RANBP17: variants seen among roughly 807,000 people sequenced by gnomAD.
RANBP17 encodes ran-binding protein 17.
RANBP17 carries 158 observed loss-of-function variants against 141.2 expected under a neutral mutation model. That is an observed-to-expected ratio of 1.12 (90% CI 0.98 to 1.28). The LOEUF (loss-of-function observed/expected upper bound fraction) is 1.28, where lower values mean the gene tolerates loss of function less well. RANBP17 is among the 50% of genes most tolerant of loss of function. The probability of loss-of-function intolerance (pLI) is 0.00; values close to 1 mark genes in which losing one functional copy is unlikely to be tolerated. For synonymous variants in RANBP17, 430 were observed against 450.0 expected (o/e 0.96, Z 0.56); for missense variants, 1,438 against 1,290.7 (o/e 1.11, Z -1.75).
At chr5:170,924,690 A>T in intron 12 of RANBP17, 140 bp downstream of exon 12, 4 of 534,592 alleles carry the variant, frequency 7.5e-6, no homozygotes, top group Non-Finnish European at 9.4e-6. Flanking sequence ...AATTTTATTA[A>T]CCTCCTGGGT....
intron 1 of RANBP17, among the ~76,000 whole-genome samples, chr5:170,862,917 C>T (rs1346660191): frequency 6.6e-6 from 1 of 152,132 alleles, no homozygotes. Context: ...AGTATCATAG[C>T]ACAGAAAAGG....
intron 5 of RANBP17, chr5:170,896,888 C>G: frequency 1.8e-6 from 1 of 570,352 alleles, no homozygotes; most frequent in Non-Finnish European, 3.2e-6. Context: ...ATGCAGAGGC[C>G]GGCGCGGCTC....
intron 14 of RANBP17, among the ~76,000 whole-genome samples, chr5:171,149,367 TG>T (rs1275837047): frequency 6.6e-6 from 1 of 152,252 alleles, no homozygotes; most frequent in Non-Finnish European, 1.5e-5. Flanking sequence ...ACAGGAGAAC[TG>T]TTTCCTATCT....
intron 14 of RANBP17, among the ~76,000 whole-genome samples, chr5:171,128,800 TAAAA>T (rs956213739): frequency 1.5e-5 from 2 of 137,514 alleles, no homozygotes; most frequent in Non-Finnish European, 1.6e-5. Context: ...TATTTATTAA[TAAAA>T]AAATAAAATA....
intron 11 of RANBP17, among the ~76,000 whole-genome samples, chr5:170,924,003 C>CTT (rs549826080): frequency 1.4e-5 from 2 of 141,780 alleles, no homozygotes; most frequent in Non-Finnish European, 1.6e-5. Context: ...TTTCTTTTTT[C>CTT]TTTTTTTTTT....
intron 23 of RANBP17, 47 bp from the exon 24 acceptor site, chr5:171,242,635 A>G (rs1203966103): frequency 1.3e-6 from 2 of 1,594,698 alleles, no homozygotes; most frequent in Admixed American, 3.6e-5. Flanking sequence ...TGTAACATGT[A>G]TTTTTCTTCT....
At chr5:170,981,263 T>TC (rs1202872754) in intron 14 of RANBP17, among the ~76,000 whole-genome samples, 1 of 150,350 alleles carries the variant, frequency 6.7e-6, no homozygotes, top group Non-Finnish European at 1.5e-5. Context: ...ACTGTGGACT[T>TC]TGAGTTAATG....
At chr5:170,934,197 T>C (rs1180961795) in intron 12 of RANBP17, among the ~76,000 whole-genome samples, 1 of 152,244 alleles carries the variant, frequency 6.6e-6, no homozygotes, top group East Asian at 1.9e-4. Flanking sequence ...TTGATCTTTG[T>C]TGGTTTAAAG....
chr5:170,894,105 C>A (rs943536163), intron 4 of RANBP17, among the ~76,000 whole-genome samples: 1 of 152,104 alleles, frequency 6.6e-6, no homozygotes, highest in Non-Finnish European at 1.5e-5. Flanking sequence ...GTTCTTAGCT[C>A]TGAGGAGATC....
chr5:170,886,460 G>A (rs948617561), intron 3 of RANBP17, among the ~76,000 whole-genome samples: 1 of 152,046 alleles, frequency 6.6e-6, no homozygotes, highest in East Asian at 1.9e-4. Flanking sequence ...TCATAAACCT[G>A]ACTACATAAA....
chr5:171,082,038 T>C (rs974558214), intron 14 of RANBP17, among the ~76,000 whole-genome samples: 2 of 152,178 alleles, frequency 1.3e-5, no homozygotes, highest in African/African-American at 4.8e-5. Context: ...CACATACTTC[T>C]AATTAATAAA....
intron 13 of RANBP17, 70 bp from the exon 14 acceptor site, chr5:170,968,172 G>T: frequency 1.9e-6 from 2 of 1,058,674 alleles, no homozygotes; most frequent in Non-Finnish European, 1.3e-6. Context: ...TACATTTATG[G>T]TAAATGTTTT....
At chr5:170,964,209 G>A (rs1446018747) in intron 13 of RANBP17, among the ~76,000 whole-genome samples, 1 of 152,130 alleles carries the variant, frequency 6.6e-6, no homozygotes, top group African/African-American at 2.4e-5. Flanking sequence ...TGCTGTTCGA[G>A]TGAGTAGCTT....
chr5:171,115,484 A>G (rs894606885), intron 14 of RANBP17, among the ~76,000 whole-genome samples: 17 of 152,228 alleles, frequency 1.1e-4, no homozygotes, highest in African/African-American at 4.1e-4. Context: ...GATCATCAAA[A>G]AGAACAGTAT....
At chr5:170,973,411 A>T (rs1293700052) in intron 14 of RANBP17, among the ~76,000 whole-genome samples, 1 of 152,302 alleles carries the variant, frequency 6.6e-6, no homozygotes, top group South Asian at 2.1e-4. Flanking sequence ...TTTTTAAGAC[A>T]TAAAAAAGCT....
At chr5:171,143,957 A>G (rs1757873754) in intron 14 of RANBP17, among the ~76,000 whole-genome samples, 1 of 152,142 alleles carries the variant, frequency 6.6e-6, no homozygotes, top group Non-Finnish European at 1.5e-5. Context: ...GGTGTAAAAT[A>G]CTGGGAAGAT....
At chr5:171,105,475 A>G (rs985839041) in intron 14 of RANBP17, among the ~76,000 whole-genome samples, 1 of 151,374 alleles carries the variant, frequency 6.6e-6, no homozygotes, top group Non-Finnish European at 1.5e-5. Flanking sequence ...TGGCAGGAGG[A>G]TCACTTAAGC....
chr5:171,122,421 C>T (rs1031107684), intron 14 of RANBP17, among the ~76,000 whole-genome samples: 1 of 152,160 alleles, frequency 6.6e-6, no homozygotes, highest in Non-Finnish European at 1.5e-5. Flanking sequence ...CCTACACTCG[C>T]CTCCTCCACA....
chr5:171,219,865 A>T (rs1763442766), intron 21 of RANBP17, among the ~76,000 whole-genome samples: 1 of 151,870 alleles, frequency 6.6e-6, no homozygotes, highest in Admixed American at 6.6e-5. Context: ...GGAGTTTGTT[A>T]TTACCCACCT....
Sources: gnomAD v4.1 joint callset for allele counts (sites outside exome capture counted in the v4.1 genomes callset) on GRCh38, gnomAD v4.1.1 for gene constraint, MANE v1.5 for transcripts, NCBI Gene and HGNC (gene_info 2026-07-23, HGNC 2026-07-21) for gene names.